NCOR1: variants seen among roughly 807,000 people sequenced by gnomAD.
NCOR1 encodes the protein protein phosphatase 1, regulatory subunit 109.
NCOR1 carries 63 observed loss-of-function variants against 288.1 expected under a neutral mutation model. The observed-to-expected ratio is 0.22, with a 90% CI of 0.18 to 0.27. The LOEUF is 0.27. Ranked by LOEUF, NCOR1 falls within the 10% of genes least tolerant of loss-of-function variation. The pLI, the probability that NCOR1 is intolerant of heterozygous loss-of-function variation, is 1.00. For missense variants in NCOR1, 2,397 were observed against 3,019.2 expected, an observed-to-expected ratio of 0.79 and a Z score of 4.83; for synonymous variants, 1,007 against 1,065.9, an observed-to-expected ratio of 0.94 and a Z score of 1.08.
chr17:16,136,389 G>A lies in NCOR1; in HGVS notation c.1509+922C>T, dbSNP rs534171661. On this transcript the variant is annotated intron_variant, in intron 14 of 45. Transcript: ENST00000268712. ...ATTTTGTAAAGACAGGATGGGTCTC[G>A]CTATGTTGCCTAGGCTGGTCTTGAA... Among the ~76,000 whole-genome samples, 8 of 152,228 alleles carry A rather than the reference G, an allele frequency of 5.3e-5. No homozygotes were observed. The East Asian group carries it at 1.2e-3, about 22-fold the overall frequency.
chr17:16,094,804 T>C (rs961446426), intron 21 of NCOR1, among the ~76,000 whole-genome samples: 1 of 152,160 alleles, frequency 6.6e-6, no homozygotes, highest in African/African-American at 2.4e-5. Context: ...TAACCGCGAG[T>C]GATCCACCAG....
At chr17:16,042,802 A>G (rs1156383555) in intron 42 of NCOR1, among the ~76,000 whole-genome samples, 1 of 152,190 alleles carries the variant, frequency 6.6e-6, no homozygotes, top group South Asian at 2.1e-4. Flanking sequence ...CATGGATTCA[A>G]TTTTAGATAT....
At chr17:16,199,621 G>T (rs1217150559) in intron 1 of NCOR1, among the ~76,000 whole-genome samples, 1 of 152,096 alleles carries the variant, frequency 6.6e-6, no homozygotes, top group Non-Finnish European at 1.5e-5. Context: ...TGAAATAAAA[G>T]AATCTAGTTT....
chr17:16,076,802 T>A (rs1028245975), intron 26 of NCOR1, among the ~76,000 whole-genome samples: 6 of 152,198 alleles, frequency 3.9e-5, no homozygotes, highest in African/African-American at 1.4e-4. Context: ...AAAGGTGGTC[T>A]GCTGCCAGTC....
chr17:16,140,623 G>T (rs1015885658), intron 11 of NCOR1, among the ~76,000 whole-genome samples: 1 of 152,186 alleles, frequency 6.6e-6, no homozygotes, highest in African/African-American at 2.4e-5. Flanking sequence ...AGACCAGCTT[G>T]GCCAACATGG....
intron 22 of NCOR1, among the ~76,000 whole-genome samples, chr17:16,087,874 A>C (rs967542178): frequency 6.6e-6 from 1 of 152,206 alleles, no homozygotes; most frequent in Non-Finnish European, 1.5e-5. Context: ...TACTAATGAA[A>C]ATTACTTCTC....
chr17:16,061,853 G>A lies in NCOR1; in HGVS notation c.5429C>T (p.Pro1810Leu). The change falls in exon 37 of 46, where the codon CCA becomes CTA. Residue 1810 changes from proline to leucine, a missense_variant. By Grantham distance (98) the Pro-to-Leu change is moderately conservative. This residue lies in a region of NCOR1 where 1,872 missense variants were observed against 2,187.8 expected (regional missense o/e 0.86). Coordinates refer to ENST00000268712, the MANE Select transcript of NCOR1 (RefSeq NM_006311.4). ...CGCAGCAGTGTTGTAACGGGAGGCT[G>A]GCAGGCCTTGGCTTATTGAAGGGCC... is the stretch of plus-strand genomic sequence containing the variant. The part of the protein sequence containing the change: ...AGGPSISQGL[P>L]ASRYNTAADA... The A allele has an allele frequency of 6.2e-7, 1 of 1,613,240 alleles. No homozygotes were observed. The highest frequency in any genetic ancestry group is 8.5e-7 in the Non-Finnish European group (1 of 1,179,510).
chr17:16,139,096 C>T lies in NCOR1; in HGVS notation c.1264G>A (p.Gly422Arg). The T allele has an allele frequency of 1.2e-6, 2 of 1,613,238 alleles. No individual in the cohort carries two copies. The highest frequency in any genetic ancestry group is 2.2e-5 in the East Asian group (1 of 44,840). Residue 422 changes from glycine (G) to arginine (R), a missense_variant, in exon 12 of 46, where the codon GGG (glycine) becomes AGG (arginine). Physicochemically the swap from Gly to Arg is moderately radical, Grantham distance 125. Coordinates refer to ENST00000268712, the MANE Select transcript of NCOR1 (RefSeq NM_006311.4). ...ACTTTCATAGGGTCCTCCATAAGCCCATTCATGTTAATGAACTTGACTCGT... is the reference window on the plus strand; with the variant it reads ...ACTTTCATAGGGTCCTCCATAAGCCTATTCATGTTAATGAACTTGACTCGT... ...QRRVKFINMN[G>R]LMEDPMKVYK...
intron 10 of NCOR1, among the ~76,000 whole-genome samples, chr17:16,144,722 TCTCTCTC>T (rs2077611081): frequency 6.6e-6 from 1 of 151,388 alleles, no homozygotes; most frequent in South Asian, 2.1e-4. Context: ...TCCCTCTCCC[TCTCTCTC>T]CTCTCCCTCT....
chr17:16,068,167 G>A (rs757880705), intron 31 of NCOR1, 46 bp from the exon 32 acceptor site: 13 of 1,402,714 alleles, frequency 9.3e-6, no homozygotes, highest in Middle Eastern at 3.5e-4. Flanking sequence ...AAACTTGCAA[G>A]TATGATAATA....
At chr17:16,124,029 C>T (rs2073528629) in intron 15 of NCOR1, among the ~76,000 whole-genome samples, 1 of 152,066 alleles carries the variant, frequency 6.6e-6, no homozygotes, top group Non-Finnish European at 1.5e-5. Flanking sequence ...GTGAGAAGAA[C>T]CACTGGCTAC....
rs368184186 is a variant in NCOR1, at chr17:16,070,434, C to T, written c.4244G>A (p.Arg1415His). ...CACAATTTCCAGCGGAGGCATTCCA[C>T]GGGATAGTTTGCTAGGCCCCGTGAT... Reference protein sequence around the residue: ...SLITGPSKLSRGMPPLEIVPE... With the variant: ...SLITGPSKLSHGMPPLEIVPE... The change falls in exon 31 of 46, where the codon CGT becomes CAT. Residue 1415 changes from arginine (R) to histidine (H), a missense_variant. Around this residue, in one of 11 missense-constraint regions of NCOR1, gnomAD observed 1,872 missense variants for 2,187.8 expected, o/e 0.86. Coordinates refer to ENST00000268712, the MANE Select transcript of NCOR1 (RefSeq NM_006311.4). 41 of 1,614,072 alleles carry T rather than the reference C, an allele frequency of 2.5e-5. No homozygotes were observed. Among genetic ancestry groups the T allele is most frequent in the Non-Finnish European group, 3.1e-5 (37 of 1,180,040 alleles).
chr17:16,209,311 AC>A (rs1381698514), intron 1 of NCOR1, among the ~76,000 whole-genome samples: 10 of 152,288 alleles, frequency 6.6e-5, no homozygotes, highest in African/African-American at 2.2e-4. Flanking sequence ...AGAAAAAAAA[AC>A]AAAAAATTCT....
rs188768085 is a variant in NCOR1, at chr17:16,131,872, T to C, written c.1509+5439A>G. 2.0e-5 allele frequency among the ~76,000 whole-genome samples: 3 copies of C among 152,294 alleles called. No individual in the cohort carries two copies. The East Asian group carries it at 5.8e-4, about 29-fold the overall frequency. ...CTGCACTCCAGGGACTTTACACACA[T>C]ACCCAGTTCTTATTAACCATGCAAC... On this transcript the variant is annotated intron_variant, in intron 14 of 45. Transcript: ENST00000268712.
chr17:16,120,558 TTAA>T (rs1338430848), intron 16 of NCOR1, among the ~76,000 whole-genome samples: 3 of 152,114 alleles, frequency 2.0e-5, no homozygotes, highest in Non-Finnish European at 4.4e-5. Context: ...GAGACAATAC[TTAA>T]TGAGAGAGAG....
chr17:16,082,041 A>G (rs73981443), intron 23 of NCOR1, among the ~76,000 whole-genome samples: 7,750 of 152,328 alleles, frequency 0.051, 240 homozygotes, highest in African/African-American at 0.097. Context: ...TACTGATTTT[A>G]GACATTTAAG....
chr17:16,146,000 A>C (rs1052849156), intron 10 of NCOR1, among the ~76,000 whole-genome samples: 1 of 152,124 alleles, frequency 6.6e-6, no homozygotes, highest in Non-Finnish European at 1.5e-5. Flanking sequence ...CCTTACCCCC[A>C]ACCCCGTGCT....
At chr17:16,147,059 T>C (rs1018803530) in intron 9 of NCOR1, among the ~76,000 whole-genome samples, 2 of 152,206 alleles carry the variant, frequency 1.3e-5, no homozygotes, top group East Asian at 1.9e-4. Context: ...TAATGCTATA[T>C]AACAAACATT....
intron 17 of NCOR1, 131 bp from the exon 18 acceptor site, chr17:16,118,158 A>AAAG: frequency 1.1e-6 from 1 of 872,130 alleles, no homozygotes; most frequent in Non-Finnish European, 1.7e-6. Context: ...ATTACTTATC[A>AAAG]TATATACTTT....
Sources: gnomAD v4.1 joint callset for allele counts (sites outside exome capture counted in the v4.1 genomes callset) on GRCh38, gnomAD v4.1.1 for gene constraint, gnomAD v4.1.1 regional missense constraint, MANE v1.5 for transcripts, NCBI Gene and HGNC (gene_info 2026-07-23, HGNC 2026-07-21) for gene names.